The following SRGAP3 variants were observed in gnomAD, a reference collection of about 807,000 sequenced individuals.
SRGAP3 encodes the protein SLIT-ROBO Rho GTPase-activating protein 3.
A neutral mutation model predicts 121.1 loss-of-function variants in SRGAP3; 39 were observed. The ratio of observed to expected loss-of-function variants is 0.32; its 90% confidence interval spans 0.25 to 0.42. The LOEUF (loss-of-function observed/expected upper bound fraction) is 0.42. Among genes scored for constraint, SRGAP3 ranks in the 10% least tolerant of loss-of-function variants. The pLI, the probability that SRGAP3 is intolerant of heterozygous loss-of-function variation, is 1.00. For missense variants in SRGAP3, 1,213 were observed against 1,470.6 expected (o/e 0.82, Z 2.86); for synonymous variants, 601 against 570.0 (o/e 1.05, Z -0.77).
intron 3 of SRGAP3, among the ~76,000 whole-genome samples, chr3:9,275,039 G>A (rs1477910496): frequency 6.6e-6 from 1 of 152,146 alleles, no homozygotes; most frequent in Non-Finnish European, 1.5e-5. Flanking sequence ...CCAGGCTTGA[G>A]GGTGGAACCC....
chr3:9,272,162 C>T (rs965799959), intron 3 of SRGAP3, among the ~76,000 whole-genome samples: 2 of 152,206 alleles, frequency 1.3e-5, no homozygotes, highest in Admixed American at 6.5e-5. Flanking sequence ...ACCATCCCTT[C>T]GTAGTAGAAA....
At chr3:9,163,503 C>T (rs956411129) in intron 1 of SRGAP3, among the ~76,000 whole-genome samples, 6 of 152,210 alleles carry the variant, frequency 3.9e-5, no homozygotes, top group Non-Finnish European at 8.8e-5. Context: ...TAGGTCTTGG[C>T]CTGTGGCTCA....
chr3:9,265,532 A>G (rs1954341704), intron 3 of SRGAP3, among the ~76,000 whole-genome samples: 1 of 152,230 alleles, frequency 6.6e-6, no homozygotes, highest in Non-Finnish European at 1.5e-5. Flanking sequence ...TTACAAGAAA[A>G]AAAAACCCCA....
intron 3 of SRGAP3, among the ~76,000 whole-genome samples, chr3:9,315,694 CAT>C (rs1297456445): frequency 6.6e-6 from 1 of 152,086 alleles, no homozygotes; most frequent in Non-Finnish European, 1.5e-5. Context: ...GTAGTGAAAT[CAT>C]ATGTTTTACA....
In SRGAP3 at chr3:9,307,418, C is replaced by T. The variant is rs372942634; in HGVS notation, n.442+18592G>A. Among the ~76,000 whole-genome samples, 5 of 152,304 alleles carry T rather than the reference C, an allele frequency of 3.3e-5. No homozygotes were observed. The South Asian group carries it at 1.0e-3, about 32-fold the overall frequency. On this transcript the variant is annotated intron_variant and non_coding_transcript_variant, in intron 3 of 3. Transcript: ENST00000490889. Reference sequence around the variant, plus strand: ...AAATCACCTTAAGGAAGTAATGACACCAAGCCTGGTAACCGTGGTTACACA... The same window carrying T: ...AAATCACCTTAAGGAAGTAATGACATCAAGCCTGGTAACCGTGGTTACACA...
chr3:9,155,773 C>G (rs568931657), intron 1 of SRGAP3, among the ~76,000 whole-genome samples: 11 of 152,058 alleles, frequency 7.2e-5, no homozygotes, highest in Non-Finnish European at 1.3e-4. Flanking sequence ...TTGGTTTCTG[C>G]CTGCTTTTTA....
chr3:9,130,057 C>A (rs946500565), intron 1 of SRGAP3, among the ~76,000 whole-genome samples: 5 of 152,144 alleles, frequency 3.3e-5, no homozygotes, highest in Non-Finnish European at 5.9e-5. Flanking sequence ...CCACCACGCC[C>A]AGCCTACTAT....
intron 1 of SRGAP3, chr3:9,337,568 C>G (rs2125288603): frequency 6.6e-6 from 1 of 152,374 alleles, no homozygotes; most frequent in African/African-American, 2.4e-5. Context: ...AATTTTCTCT[C>G]TGTGTCTTGC....
intron 3 of SRGAP3, among the ~76,000 whole-genome samples, chr3:9,274,208 C>A (rs1475178364): frequency 6.6e-6 from 1 of 152,180 alleles, no homozygotes; most frequent in Non-Finnish European, 1.5e-5. Context: ...ACTTTGTGTT[C>A]ATTCCAATCC....
chr3:9,206,509 T>C (rs1466647875), intron 1 of SRGAP3, among the ~76,000 whole-genome samples: 2 of 152,244 alleles, frequency 1.3e-5, no homozygotes, highest in East Asian at 1.9e-4. Context: ...TGCATGGTTA[T>C]GGCCCCTCGA....
In SRGAP3 at chr3:9,248,922, G is replaced by C. The variant is rs939222227; in HGVS notation, c.30C>G (p.Asp10Glu). 1 of 1,614,196 alleles carries C rather than the reference G, an allele frequency of 6.2e-7. No individual in the cohort carries two copies. The highest frequency in any genetic ancestry group is 8.5e-7 in the Non-Finnish European group (1 of 1,180,038). The change falls in exon 1 of 22, where the codon GAC becomes GAG. Residue 10 changes from aspartate to glutamate, a missense_variant. Around this residue, in one of 2 missense-constraint regions of SRGAP3, gnomAD observed 793 missense variants for 1,032.9 expected, o/e 0.77. Transcript: ENST00000383836. Reference sequence around the variant, plus strand: ...CTTCATATTCAGCAATGATCTCTTTGTCTTTCTTGAACTTAGTTTGAGATG... The same window carrying C: ...CTTCATATTCAGCAATGATCTCTTTCTCTTTCTTGAACTTAGTTTGAGATG... The part of the protein sequence containing the change: MSSQTKFKK[D>E]KEIIAEYEAQ...
Position 9,223,894 on chromosome 3 carries a change from A to G in SRGAP3, c.67+24991T>C, listed in dbSNP as rs1224609594. Among the ~76,000 whole-genome samples, 5 of 152,184 alleles carry G rather than the reference A, an allele frequency of 3.3e-5. No homozygotes were observed. In the East Asian group the frequency reaches 5.8e-4, roughly 18 times the overall value. ...GATTTGTTTCCATTAAAGAACATCAATTAATCTTGATTCTGGATGGAAGAC... is the reference window on the plus strand; with the variant it reads ...GATTTGTTTCCATTAAAGAACATCAGTTAATCTTGATTCTGGATGGAAGAC... On this transcript the variant is annotated intron_variant, in intron 1 of 21. Transcript: ENST00000383836.
intron 3 of SRGAP3, among the ~76,000 whole-genome samples, chr3:9,255,112 T>C (rs576178417): frequency 6.6e-6 from 1 of 152,274 alleles, no homozygotes; most frequent in East Asian, 1.9e-4. Flanking sequence ...GCCACTGAAT[T>C]GTACACTTTA....
chr3:9,091,130 C>G (rs2664078), intron 3 of SRGAP3, among the ~76,000 whole-genome samples: 73,172 of 151,964 alleles, frequency 0.48, 18,429 homozygotes, highest in African/African-American at 0.63. Context: ...CTCCCAATGA[C>G]ACCATCCTAA....
intron 3 of SRGAP3, among the ~76,000 whole-genome samples, chr3:9,274,472 C>T (rs1159515282): frequency 6.6e-6 from 1 of 152,186 alleles, no homozygotes; most frequent in Non-Finnish European, 1.5e-5. Flanking sequence ...AGAAGCAAAA[C>T]TTCATGTGGC....
chr3:9,037,930 C>T, intron 11 of SRGAP3, 133 bp downstream of exon 11: 1 of 1,229,078 alleles, frequency 8.1e-7, no homozygotes, highest in Non-Finnish European at 1.2e-6. Context: ...CCTGGGCACA[C>T]CCACACCGGC....
chr3:9,288,370 C>T (rs1192295612), intron 3 of SRGAP3, among the ~76,000 whole-genome samples: 3 of 151,862 alleles, frequency 2.0e-5, no homozygotes, highest in South Asian at 2.1e-4. Flanking sequence ...CTCCTGATCT[C>T]GGATGATCTG....
intron 7 of SRGAP3, 93 bp from the exon 8 acceptor site, chr3:9,056,427 A>G: frequency 7.5e-7 from 1 of 1,338,842 alleles, no homozygotes; most frequent in Admixed American, 1.9e-5. Context: ...TCCCAATCAC[A>G]GTCCAGGAAA....
chr3:9,086,107 C>T (rs975313725), intron 3 of SRGAP3, among the ~76,000 whole-genome samples: 3 of 152,224 alleles, frequency 2.0e-5, no homozygotes, highest in Admixed American at 6.5e-5. Context: ...TCATCGTTCC[C>T]CTAGAAGCTA....
Sources: gnomAD v4.1 joint callset for allele counts (sites outside exome capture counted in the v4.1 genomes callset) on GRCh38, gnomAD v4.1.1 for gene constraint, gnomAD v4.1.1 regional missense constraint, MANE v1.5 for transcripts, NCBI Gene and HGNC (gene_info 2026-07-23, HGNC 2026-07-21) for gene names.